ERBB4: variants seen among roughly 807,000 people sequenced by gnomAD.
ERBB4 encodes receptor tyrosine-protein kinase erbB-4.
A neutral mutation model predicts 158.0 loss-of-function variants in ERBB4; 42 were observed. The ratio of observed to expected loss-of-function variants is 0.27; its 90% CI spans 0.21 to 0.34. The LOEUF is 0.34. Ranked by LOEUF, ERBB4 falls within the 10% of genes least tolerant of loss-of-function variation. ERBB4 has a pLI of 1.00. For synonymous variants in ERBB4, 583 were observed against 558.7 expected, an observed-to-expected ratio of 1.04 and a Z score of -0.61; for missense variants, 1,333 against 1,624.1, an observed-to-expected ratio of 0.82 and a Z score of 3.08.
intron 1 of ERBB4, among the ~76,000 whole-genome samples, chr2:212,438,069 A>G (rs936227682): frequency 2.0e-5 from 3 of 152,072 alleles, no homozygotes; most frequent in African/African-American, 7.2e-5. Flanking sequence ...TTATGAGGCT[A>G]GCCCTATGGT....
chr2:212,032,477 TCATA>T (rs1435115823), intron 2 of ERBB4, among the ~76,000 whole-genome samples: 2 of 152,100 alleles, frequency 1.3e-5, no homozygotes, highest in African/African-American at 2.4e-5. Flanking sequence ...ATGCATGGCT[TCATA>T]GTTTTATATT....
At chr2:212,353,024 T>C (rs919223226) in intron 1 of ERBB4, among the ~76,000 whole-genome samples, 13 of 152,010 alleles carry the variant, frequency 8.6e-5, no homozygotes, top group Admixed American at 7.9e-4. Context: ...TTAAAAATCC[T>C]TTTACTGTGG....
At chr2:212,185,532 T>C (rs2081992701) in intron 1 of ERBB4, among the ~76,000 whole-genome samples, 2 of 152,140 alleles carry the variant, frequency 1.3e-5, no homozygotes, top group South Asian at 4.1e-4. Context: ...CTTCAGATCT[T>C]TCCTAGAGTG....
chr2:211,780,509 T>A (rs749657314), intron 4 of ERBB4, among the ~76,000 whole-genome samples: 3 of 152,230 alleles, frequency 2.0e-5, no homozygotes, highest in Non-Finnish European at 2.9e-5. Context: ...TTCCGTAATG[T>A]TCTTAGTAAA....
rs59305629 is a variant in ERBB4 at position 211,810,662 on chromosome 2, C to CTTTTT, written c.422-22508_422-22504dup. 1.6e-3 allele frequency among the ~76,000 whole-genome samples: 159 copies of CTTTTT among 101,494 alleles called. 1 individual carries two copies. Among genetic ancestry groups the CTTTTT allele is most frequent in the Non-Finnish European group, 2.0e-3 (111 of 55,402 alleles). The allele number at this position is 101,494 out of a possible 152,430, so 66.6% of individuals were successfully genotyped here. A position where few individuals can be genotyped will look rare whatever the true frequency, so the allele number is the denominator to read the frequency against. ...CTTTATCCAATTTGCCAGTCTCTGT[C>CTTTTT]TTTTTTTTTTTTTTTTTTTTTGAGA... On this transcript the variant is annotated intron_variant, in intron 3 of 27. Coordinates refer to ENST00000342788, the MANE Select transcript of ERBB4 (RefSeq NM_005235.3).
intron 2 of ERBB4, among the ~76,000 whole-genome samples, chr2:212,000,115 T>A (rs1231092103): frequency 6.6e-6 from 1 of 151,772 alleles, no homozygotes; most frequent in Non-Finnish European, 1.5e-5. Flanking sequence ...ATAAAGGTAT[T>A]AACACTACCA....
At chr2:211,954,647 T>C (rs745963198) in intron 2 of ERBB4, among the ~76,000 whole-genome samples, 3 of 151,994 alleles carry the variant, frequency 2.0e-5, no homozygotes, top group South Asian at 2.1e-4. Context: ...CAGAGAACTA[T>C]GGTGGTAAGA....
chr2:211,949,552 T>C (rs2080815907), intron 2 of ERBB4, among the ~76,000 whole-genome samples: 1 of 152,228 alleles, frequency 6.6e-6, no homozygotes, highest in Non-Finnish European at 1.5e-5. Context: ...TTTCTTTTTA[T>C]CTTCTTATTG....
intron 1 of ERBB4, among the ~76,000 whole-genome samples, chr2:212,405,067 GT>G (rs2091308747): frequency 6.6e-6 from 1 of 151,832 alleles, no homozygotes; most frequent in African/African-American, 2.4e-5. Context: ...TGGCATTTAG[GT>G]TGATTCCATG....
chr2:211,891,567 T>A, intron 3 of ERBB4, among the ~76,000 whole-genome samples: 1 of 79,668 alleles, frequency 1.3e-5, no homozygotes, highest in African/African-American at 6.0e-5. Context: ...AGAGCAGAAC[T>A]GAAGGAAATA....
intron 1 of ERBB4, among the ~76,000 whole-genome samples, chr2:212,217,519 T>C (rs1001698431): frequency 1.3e-5 from 2 of 151,228 alleles, no homozygotes; most frequent in Non-Finnish European, 1.5e-5. Context: ...AATTTGTTAG[T>C]ATAAGAAGCT....
chr2:211,941,663 A>G (rs1215617450), intron 3 of ERBB4, among the ~76,000 whole-genome samples: 1 of 151,886 alleles, frequency 6.6e-6, no homozygotes, highest in South Asian at 2.1e-4. Context: ...TCATCACCAG[A>G]GAAACAGATC....
intron 1 of ERBB4, among the ~76,000 whole-genome samples, chr2:212,384,867 G>C (rs1003757147): frequency 2.2e-5 from 3 of 134,732 alleles, no homozygotes; most frequent in Non-Finnish European, 4.7e-5. Flanking sequence ...TAGAATTGTT[G>C]TTCTTAAATT....
At chr2:212,310,994 C>G (rs933721036) in intron 1 of ERBB4, among the ~76,000 whole-genome samples, 2 of 150,790 alleles carry the variant, frequency 1.3e-5, no homozygotes, top group East Asian at 2.0e-4. Flanking sequence ...AAAGCATAGC[C>G]TGTTTTGCAC....
intron 13 of ERBB4, among the ~76,000 whole-genome samples, chr2:211,674,603 A>G (rs566916166): frequency 6.4e-4 from 98 of 152,176 alleles, no homozygotes; most frequent in Non-Finnish European, 1.3e-3. Flanking sequence ...TTTTAAAATC[A>G]CAATTACATA....
chr2:212,056,317 G>C (rs1466922540), intron 2 of ERBB4, among the ~76,000 whole-genome samples: 1 of 152,196 alleles, frequency 6.6e-6, no homozygotes, highest in Admixed American at 6.5e-5. Context: ...GTACCTGAAA[G>C]TGACGGGGAG....
In ERBB4 at chr2:212,133,241, C is replaced by G. The variant is rs183279347; in HGVS notation, c.83-8338G>C. Among the ~76,000 whole-genome samples the G allele has an allele frequency of 4.3e-4, 66 of 152,140 alleles. 1 individual carries two copies. The highest frequency in any genetic ancestry group is 1.5e-3 in the African/African-American group (64 of 41,518). On this transcript the variant is annotated intron_variant, in intron 1 of 27. Coordinates refer to ENST00000342788, the MANE Select transcript of ERBB4 (RefSeq NM_005235.3). ...GAACAACCCTTGGCTTCTAATTGCA[C>G]TGACTATAAAATCCAAAGTTCTTAT...
At chr2:212,381,080 A>G (rs888287768) in intron 1 of ERBB4, among the ~76,000 whole-genome samples, 1 of 151,406 alleles carries the variant, frequency 6.6e-6, no homozygotes, top group African/African-American at 2.4e-5. Context: ...GTCTTCCCAC[A>G]TCACACAAAA....
intron 13 of ERBB4, among the ~76,000 whole-genome samples, chr2:211,674,771 A>G (rs2071987927): frequency 6.6e-6 from 1 of 152,140 alleles, no homozygotes; most frequent in African/African-American, 2.4e-5. Flanking sequence ...AAATTATGAC[A>G]ATTATAGCAC....
Sources: allele counts gnomAD v4.1 joint callset (sites outside exome capture counted in the v4.1 genomes callset), GRCh38; gene constraint gnomAD v4.1.1; transcripts MANE v1.5; gene names NCBI Gene and HGNC (gene_info 2026-07-23, HGNC 2026-07-21).